Variants in MAP3K7 observed in about 807,000 individuals in gnomAD.
The protein encoded by MAP3K7 is TGF-beta activated kinase 1.
In MAP3K7, 21 loss-of-function variants were observed where a neutral mutation model predicts 84.8. That is an observed-to-expected ratio of 0.25 (90% CI 0.18 to 0.36). The LOEUF (loss-of-function observed/expected upper bound fraction) is 0.36. Ranked by LOEUF, MAP3K7 falls within the 10% of genes least tolerant of loss-of-function variation. The pLI is 1.00. For synonymous variants in MAP3K7, 241 were observed against 247.7 expected, an observed-to-expected ratio of 0.97 and a Z score of 0.25; for missense variants, 503 against 747.7, an observed-to-expected ratio of 0.67 and a Z score of 3.82.
At position 90,587,047 on chromosome 6, in the gene MAP3K7, G is replaced by A. The variant is rs1036313496; in HGVS notation, c.-164C>T. ...GAGGCAGCGGCCACAGCCGTGTCCG[G>A]CTCTGGCTCCGCTGCGTTTTCCGCC... is the stretch of plus-strand genomic sequence containing the variant. On this transcript the variant is annotated 5_prime_UTR_variant, in exon 1 of 17. Coordinates refer to ENST00000369329, the MANE Select transcript of MAP3K7 (RefSeq NM_145331.3). 8.7e-6 allele frequency: 7 copies of A among 800,854 alleles called. No homozygotes were observed. Among genetic ancestry groups the A allele is most frequent in the Non-Finnish European group, 1.2e-5 (7 of 562,710 alleles). 49.6% of individuals were successfully genotyped at this position (800,854 alleles called of 1,614,324 possible). A position where few individuals can be genotyped will look rare whatever the true frequency, so the allele number is the denominator to read the frequency against.
At chr6:90,563,279 C>T (rs115787618) in intron 3 of MAP3K7, among the ~76,000 whole-genome samples, 3 of 152,060 alleles carry the variant, frequency 2.0e-5, no homozygotes, top group East Asian at 1.9e-4. Flanking sequence ...CTTCTCCAAG[C>T]GAAAGGAGGA....
intron 9 of MAP3K7, among the ~76,000 whole-genome samples, chr6:90,548,598 T>C (rs1012529870): frequency 1.3e-5 from 2 of 152,188 alleles, no homozygotes; most frequent in African/African-American, 4.8e-5. Flanking sequence ...ATGGAAAACA[T>C]TATGAGCCAA....
intron 12 of MAP3K7, chr6:90,542,192 A>G: frequency 6.2e-6 from 6 of 963,172 alleles, no homozygotes; most frequent in Non-Finnish European, 7.4e-6. Flanking sequence ...TCATGTAGGA[A>G]ATTTGAGATA....
At chr6:90,586,190 G>A (rs891908295) in intron 1 of MAP3K7, among the ~76,000 whole-genome samples, 4 of 151,522 alleles carry the variant, frequency 2.6e-5, no homozygotes, top group Non-Finnish European at 4.4e-5. Context: ...GGCTAACAAG[G>A]TGAAACCCCG....
At chr6:90,540,430 A>T (rs1042188347) in intron 12 of MAP3K7, among the ~76,000 whole-genome samples, 1 of 151,924 alleles carries the variant, frequency 6.6e-6, no homozygotes, top group Non-Finnish European at 1.5e-5. Flanking sequence ...CTATGATGAT[A>T]TAATAGCATT....
In MAP3K7 at chr6:90,562,395, G is replaced by A. The variant is rs984290201; in HGVS notation, c.298-728C>T. On this transcript the variant is annotated intron_variant, in intron 3 of 16. Coordinates refer to ENST00000369329, the MANE Select transcript of MAP3K7 (RefSeq NM_145331.3). The stretch of plus-strand genomic sequence containing the variant: ...CACCCTAACACTGTGCTTTTCCAAC[G>A]GTCTTAGCAAACACCACACCAGGAG... 7.2e-5 allele frequency among the ~76,000 whole-genome samples: 11 copies of A among 152,334 alleles called. No homozygotes were observed. In the East Asian group the frequency reaches 1.2e-3, roughly 16 times the overall value.
intron 6 of MAP3K7, among the ~76,000 whole-genome samples, chr6:90,553,869 T>C (rs1776255657): frequency 1.3e-5 from 2 of 152,224 alleles, no homozygotes; most frequent in Non-Finnish European, 2.9e-5. Flanking sequence ...AGGACTTGAC[T>C]TTTATGTATT....
intron 3 of MAP3K7, among the ~76,000 whole-genome samples, chr6:90,565,273 A>T (rs1027595362): frequency 6.6e-6 from 1 of 152,170 alleles, no homozygotes; most frequent in African/African-American, 2.4e-5. Flanking sequence ...TGAATCCAGG[A>T]GCTGGTTTTT....
At chr6:90,574,072 C>G (rs1445552911) in intron 1 of MAP3K7, among the ~76,000 whole-genome samples, 1 of 152,206 alleles carries the variant, frequency 6.6e-6, no homozygotes, top group Non-Finnish European at 1.5e-5. Flanking sequence ...AGGGCTCTGT[C>G]TACCTATTAT....
chr6:90,533,027 G>T (rs1433130711), intron 13 of MAP3K7, among the ~76,000 whole-genome samples: 2 of 152,182 alleles, frequency 1.3e-5, no homozygotes, highest in Non-Finnish European at 2.9e-5. Context: ...GTATAAGGAA[G>T]TAAGAGACTT....
At chr6:90,518,187 TATA>T (rs934515415) in intron 16 of MAP3K7, among the ~76,000 whole-genome samples, 12 of 151,740 alleles carry the variant, frequency 7.9e-5, no homozygotes, top group African/African-American at 1.4e-4. Context: ...AATAAATCTT[TATA>T]ATAATAAGTC....
At chr6:90,527,542 T>C (rs940900671) in intron 13 of MAP3K7, among the ~76,000 whole-genome samples, 2 of 152,074 alleles carry the variant, frequency 1.3e-5, no homozygotes, top group Non-Finnish European at 2.9e-5. Context: ...GCTGGGATTA[T>C]AGGTGTGAGC....
At chr6:90,585,285 TTCTC>T (rs3073595) in intron 1 of MAP3K7, among the ~76,000 whole-genome samples, 7,913 of 152,258 alleles carry the variant, frequency 0.052, 322 homozygotes, top group African/African-American at 0.11. Flanking sequence ...AATGAGGATA[TTCTC>T]AATAATCTCT....
In MAP3K7 at chr6:90,586,222, A is replaced by G. The variant is rs1777446026; in HGVS notation, c.120+542T>C. Among the ~76,000 whole-genome samples the G allele has an allele frequency of 2.6e-5, 4 of 151,248 alleles. No homozygotes were observed. The South Asian group carries it at 8.4e-4, about 32-fold the overall frequency. Reference sequence around the variant, plus strand: ...CCCGTCTCTACTAAAAATACAAAAAATTAGCCAGGCGCGGTGGCGGGCGCC... The same window carrying G: ...CCCGTCTCTACTAAAAATACAAAAAGTTAGCCAGGCGCGGTGGCGGGCGCC... On this transcript the variant is annotated intron_variant, in intron 1 of 16. Transcript: ENST00000369329.
At chr6:90,552,952 T>C (rs908796106) in intron 7 of MAP3K7, among the ~76,000 whole-genome samples, 3 of 152,154 alleles carry the variant, frequency 2.0e-5, no homozygotes, top group Non-Finnish European at 2.9e-5. Flanking sequence ...AGTTTCCTAA[T>C]CTGTAAAATG....
chr6:90,515,744 T>C lies in MAP3K7; in HGVS notation c.*757A>G, dbSNP rs889945659. 1 of 151,904 alleles carries C rather than the reference T, an allele frequency of 6.6e-6. No individual in the cohort carries two copies. The highest frequency in any genetic ancestry group is 1.5e-5 in the Non-Finnish European group (1 of 67,896). 9.4% of individuals were successfully genotyped at this position (151,904 alleles called of 1,614,324 possible). On this transcript the variant is annotated 3_prime_UTR_variant, in exon 17 of 17. Transcript: ENST00000369329. ...ATTTAAGAGATTAATATTAGAGTCA[T>C]AAAAGCTTTACAGTTTCAACACACA...
At chr6:90,580,336 T>G (rs1777228011) in intron 1 of MAP3K7, among the ~76,000 whole-genome samples, 1 of 152,206 alleles carries the variant, frequency 6.6e-6, no homozygotes. Context: ...AACTTAATAT[T>G]CAAGTTGTAA....
intron 3 of MAP3K7, among the ~76,000 whole-genome samples, chr6:90,565,697 TC>T (rs1776679156): frequency 6.6e-6 from 1 of 152,170 alleles, no homozygotes; most frequent in Non-Finnish European, 1.5e-5. Context: ...GAGGGAATCC[TC>T]CCTAACTCAT....
At chr6:90,582,544 A>T (rs1210430248) in intron 1 of MAP3K7, among the ~76,000 whole-genome samples, 3 of 152,220 alleles carry the variant, frequency 2.0e-5, no homozygotes, top group Admixed American at 2.0e-4. Context: ...AAGTGTTAAT[A>T]ACATTTGAGG....
Sources: allele counts gnomAD v4.1 joint callset (sites outside exome capture counted in the v4.1 genomes callset), GRCh38; gene constraint gnomAD v4.1.1; transcripts MANE v1.5; gene names NCBI Gene and HGNC (gene_info 2026-07-23, HGNC 2026-07-21).